FKBP1B: variants seen among roughly 807,000 people sequenced by gnomAD.
The protein encoded by FKBP1B is peptidyl-prolyl cis-trans isomerase FKBP1B.
Under a neutral mutation model 13.5 loss-of-function variants are expected in FKBP1B, and 4 were observed. The ratio of observed to expected loss-of-function variants is 0.30; its 90% CI spans 0.15 to 0.68. FKBP1B has a LOEUF of 0.68. Among genes scored for constraint, FKBP1B ranks in the 30% least tolerant of loss-of-function variants. The pLI, the probability that FKBP1B is intolerant of heterozygous loss-of-function variation, is 0.76. For missense variants in FKBP1B, 93 were observed against 136.2 expected (o/e 0.68, Z 1.58); for synonymous variants, 54 against 53.6 (o/e 1.01, Z -0.03).
At chr2:24,062,107 G>A (rs575698715) in intron 3 of FKBP1B, among the ~76,000 whole-genome samples, 2 of 152,126 alleles carry the variant, frequency 1.3e-5, no homozygotes, top group East Asian at 1.9e-4. Flanking sequence ...TCCTGACCTC[G>A]TGATCTGCCC....
intron 2 of FKBP1B, among the ~76,000 whole-genome samples, chr2:24,056,377 C>T (rs1168265423): frequency 6.6e-6 from 1 of 150,750 alleles, no homozygotes; most frequent in Non-Finnish European, 1.5e-5. Context: ...CAAGGTCTCA[C>T]TCTGTTGCCA....
In FKBP1B at chr2:24,063,464, AC is replaced by A; in HGVS notation, c.*273del. On this transcript the variant is annotated 3_prime_UTR_variant, in exon 4 of 4. Transcript: ENST00000380986. ...TGTAGTAGCCTTTCCTGATGACAGA[AC>A]ACAGATCTCTTGTTCGCACAATCTA... The A allele has an allele frequency of 2.8e-6, 1 of 357,236 alleles. No homozygotes were observed. The allele number at this position is 357,236 out of a possible 1,614,324, so 22.1% of individuals were successfully genotyped here.
At chr2:24,035,899 C>T in the FKBP1B span, among the ~76,000 whole-genome samples, 21 of 151,352 alleles carry the variant, frequency 1.4e-4, no homozygotes, top group Non-Finnish European at 2.4e-4. Context: ...TGAAACCCCG[C>T]CTCTACTAAG....
At chr2:24,037,850 G>C in the FKBP1B span, 2 of 1,614,164 alleles carry the variant, frequency 1.2e-6, no homozygotes, top group Non-Finnish European at 1.7e-6. Flanking sequence ...TTTTCACTTT[G>C]TAAGTTCTTT....
the FKBP1B span, among the ~76,000 whole-genome samples, chr2:24,036,536 A>T: frequency 1.3e-5 from 2 of 152,212 alleles, no homozygotes; most frequent in Non-Finnish European, 2.9e-5. Context: ...AACTCAATTA[A>T]AAGTAGAAAC....
the FKBP1B span, chr2:24,038,749 T>C: frequency 1.2e-6 from 2 of 1,614,202 alleles, no homozygotes; most frequent in Non-Finnish European, 1.7e-6. Flanking sequence ...TGGTAAAGCA[T>C]ACGGAGTCAT....
chr2:24,042,304 G>A, the FKBP1B span, among the ~76,000 whole-genome samples: 2 of 152,010 alleles, frequency 1.3e-5, no homozygotes, highest in African/African-American at 2.4e-5. Context: ...TTGGGAGGCC[G>A]AGGCAGGCGG....
upstream of FKBP1B, among the ~76,000 whole-genome samples, chr2:24,046,988 C>T (rs552257640): frequency 3.3e-5 from 5 of 152,312 alleles, no homozygotes; most frequent in East Asian, 9.6e-4. Flanking sequence ...CTGTACCCAA[C>T]TTTATCCCGC....
At chr2:24,055,399 A>C (rs892245808) in intron 2 of FKBP1B, among the ~76,000 whole-genome samples, 5 of 151,736 alleles carry the variant, frequency 3.3e-5, no homozygotes, top group African/African-American at 1.2e-4. Context: ...TGTAGAGATG[A>C]GGGTCTCACT....
rs1486386771 is a variant in FKBP1B, at chr2:24,050,325, C to T, written c.37+439C>T. On this transcript the variant is annotated intron_variant, in intron 1 of 3. Transcript: ENST00000380986. The surrounding 1 kb of genome is among the most constrained non-coding windows in gnomAD (Gnocchi z 5.8). ...TCCTCCTAGCGCGTCCCCCGCCGGG[C>T]CTCCCCTCGGTCGCTTCCCTGCGGG... is the stretch of plus-strand genomic sequence containing the variant. Among the ~76,000 whole-genome samples the T allele has an allele frequency of 1.3e-5, 2 of 152,204 alleles. No homozygotes were observed. The highest frequency in any genetic ancestry group is 2.9e-5 in the Non-Finnish European group (2 of 68,028).
chr2:24,056,526 T>C (rs2150966151), intron 2 of FKBP1B, among the ~76,000 whole-genome samples: 1 of 152,114 alleles, frequency 6.6e-6, no homozygotes, highest in East Asian at 1.9e-4. Context: ...GTATTTTTTG[T>C]AGAGATGGGA....
chr2:24,054,000 G>T (rs370044499), intron 2 of FKBP1B, 51 bp downstream of exon 2: 1 of 1,564,544 alleles, frequency 6.4e-7, no homozygotes, highest in African/African-American at 1.3e-5. Context: ...CCCAAGGCAG[G>T]GCTGTCCTCT....
intron 1 of FKBP1B, among the ~76,000 whole-genome samples, chr2:24,051,474 C>G (rs1033280292): frequency 6.6e-6 from 1 of 152,218 alleles, no homozygotes; most frequent in African/African-American, 2.4e-5. Context: ...AGCTTCATCT[C>G]TCACCACCTG....
intron 2 of FKBP1B, among the ~76,000 whole-genome samples, chr2:24,056,456 G>C (rs562359875): frequency 2.7e-4 from 41 of 151,420 alleles, no homozygotes; most frequent in African/African-American, 9.9e-4. Context: ...CGATTCTTGT[G>C]CCTCAACCTC....
chr2:24,061,489 A>G (rs552384379), intron 3 of FKBP1B, among the ~76,000 whole-genome samples: 5 of 152,164 alleles, frequency 3.3e-5, no homozygotes, highest in Non-Finnish European at 7.4e-5. Flanking sequence ...GCTGAGGTCT[A>G]CCAGTTGCCT....
Position 24,060,805 on chromosome 2 carries a change from C to G in FKBP1B, c.86-9C>G, listed in dbSNP as rs1156839445. 6.2e-7 allele frequency: 1 copy of G among 1,608,464 alleles called. No homozygotes were observed. Among genetic ancestry groups the G allele is most frequent in the Non-Finnish European group, 8.5e-7 (1 of 1,175,112 alleles). ...ACAGCTCTATTGCACCCGATTCTTG[C>G]TTTGACAGGAATGCTCCAAAATGGG... On this transcript the variant is annotated splice_polypyrimidine_tract_variant and intron_variant, in intron 2 of 3. Transcript: ENST00000380986.
intron 1 of FKBP1B, among the ~76,000 whole-genome samples, chr2:24,052,005 A>G (rs1336107904): frequency 2.0e-5 from 3 of 152,204 alleles, no homozygotes; most frequent in African/African-American, 4.8e-5. Context: ...TCCCTATCTC[A>G]GGAAATAGTT....
At chr2:24,034,260 T>TA in the FKBP1B span, among the ~76,000 whole-genome samples, 4 of 151,878 alleles carry the variant, frequency 2.6e-5, no homozygotes, top group African/African-American at 9.7e-5. Flanking sequence ...ATCTCTACTA[T>TA]AAATACAAAA....
chr2:24,061,994 C>A (rs1664413864), intron 3 of FKBP1B, among the ~76,000 whole-genome samples: 1 of 152,112 alleles, frequency 6.6e-6, no homozygotes, highest in Non-Finnish European at 1.5e-5. Flanking sequence ...CTCAGCCTCC[C>A]TAGTAGCTGG....
Sources: allele counts gnomAD v4.1 joint callset (sites outside exome capture counted in the v4.1 genomes callset), GRCh38; gene constraint gnomAD v4.1.1; non-coding constraint Gnocchi (gnomAD v3.1); transcripts MANE v1.5; gene names NCBI Gene and HGNC (gene_info 2026-07-23, HGNC 2026-07-21).